The following POLE variants were observed in gnomAD, a reference collection of about 807,000 sequenced individuals.
POLE encodes DNA polymerase epsilon catalytic subunit A.
A neutral mutation model predicts 279.2 loss-of-function variants in POLE; 188 were observed. That is an observed-to-expected ratio of 0.67 (90% confidence interval 0.60 to 0.76). POLE has a LOEUF of 0.76. Among genes scored for constraint, POLE ranks in the 30% least tolerant of loss-of-function variants. The pLI is 0.00. For missense variants in POLE, 2,703 were observed against 3,016.7 expected (o/e 0.90, Z 2.44); for synonymous variants, 1,214 against 1,172.5 (o/e 1.04, Z -0.72).
At chr12:132,678,215 A>C (rs1043963192) in intron 6 of POLE, among the ~76,000 whole-genome samples, 9 of 150,518 alleles carry the variant, frequency 6.0e-5, no homozygotes. Flanking sequence ...AACTCTACAG[A>C]CAGGAGAAAA....
chr12:132,661,153 A>G lies in POLE; in HGVS notation c.2876T>C (p.Phe959Ser), dbSNP rs779946587. ...GKKLKKRYAV[F>S]NEDGSLAELK... is the part of the protein sequence containing the mutation. ...CTCAGCCAGAGAACCGTCTTCATTG[A>G]ACACAGCATACCTGAAAAAAAAAAA... Residue 959 changes from phenylalanine to serine, a missense_variant, in exon 25 of 49, where the codon TTC becomes TCC. Around this residue, in one of 5 missense-constraint regions of POLE, gnomAD observed 101 missense variants for 115.4 expected, o/e 0.87. Coordinates refer to ENST00000320574, the MANE Select transcript of POLE (RefSeq NM_006231.4). This position sits in a 1 kb window ranked among gnomAD's most constrained non-coding sequence, Gnocchi z 4.1. The G allele has an allele frequency of 6.2e-7, 1 of 1,607,526 alleles. No individual in the cohort carries two copies. Among genetic ancestry groups the G allele is most frequent in the South Asian group, 1.1e-5 (1 of 90,348 alleles).
rs769461767 is a variant in POLE at position 132,665,300 on chromosome 12, A to AC, written c.2468+1dup. The stretch of plus-strand genomic sequence containing the variant: ...GCCTCTCCCGGGCCCGGGCCCACCT[A>AC]CCCCTTGCGCATGACATAGCCATAG... On this transcript the variant is annotated splice_donor_variant, in intron 21 of 48. Transcript: ENST00000320574. LOFTEE classifies it high-confidence loss of function. 1 of 1,611,684 alleles carries AC rather than the reference A, an allele frequency of 6.2e-7. No homozygotes were observed.
At position 132,635,286 on chromosome 12, in the gene POLE, C is replaced by T. The variant is rs569233256; in HGVS notation, c.5811+606G>A. Among the ~76,000 whole-genome samples, 23 of 152,318 alleles carry T rather than the reference C, an allele frequency of 1.5e-4. No individual in the cohort carries two copies. In the South Asian group the frequency reaches 3.1e-3, roughly 21 times the overall value. ...CCGCACCTGGGCATTTACACACATC[C>T]GATCCGCTGGCCCCTTGGCTCCACT... On this transcript the variant is annotated intron_variant, in intron 42 of 48. Transcript: ENST00000320574.
chr12:132,662,869 T>A (rs1352152512), intron 23 of POLE, among the ~76,000 whole-genome samples: 1 of 152,074 alleles, frequency 6.6e-6, no homozygotes, highest in African/African-American at 2.4e-5. Flanking sequence ...TCCACTCTGA[T>A]CCGCAAATCC....
chr12:132,675,858 C>A lies in POLE; in HGVS notation c.1021-38G>T. The A allele has an allele frequency of 2.0e-6, 3 of 1,520,364 alleles. No individual in the cohort carries two copies. The highest frequency in any genetic ancestry group is 2.7e-6 in the Non-Finnish European group (3 of 1,094,816). 94.2% of individuals were successfully genotyped at this position (1,520,364 alleles called of 1,614,324 possible). Reference sequence around the variant, plus strand: ...CACAGCAGTCAGAGGTCTGCTCTTTCTCTTCTTCAAGCTATTCCAAATTCC... The same window carrying A: ...CACAGCAGTCAGAGGTCTGCTCTTTATCTTCTTCAAGCTATTCCAAATTCC... On this transcript the variant is annotated intron_variant, in intron 10 of 48. Coordinates refer to ENST00000320574, the MANE Select transcript of POLE (RefSeq NM_006231.4). The surrounding 1 kb of genome is among the most constrained non-coding windows in gnomAD (Gnocchi z 4.3).
chr12:132,679,259 C>T (rs2043117158), intron 6 of POLE, among the ~76,000 whole-genome samples: 1 of 152,120 alleles, frequency 6.6e-6, no homozygotes, highest in Non-Finnish European at 1.5e-5. Flanking sequence ...TACAACCACT[C>T]AATTTTAGAG....
chr12:132,627,002 G>A (rs2041853021), intron 45 of POLE, among the ~76,000 whole-genome samples: 1 of 152,226 alleles, frequency 6.6e-6, no homozygotes, highest in Non-Finnish European at 1.5e-5. Context: ...AAAGTTACGT[G>A]ATTTGTGGTG....
intron 32 of POLE, among the ~76,000 whole-genome samples, chr12:132,644,723 G>C (rs1266763303): frequency 1.3e-5 from 2 of 148,558 alleles, no homozygotes; most frequent in African/African-American, 5.0e-5. Flanking sequence ...CTAGCTTCGT[G>C]AATGGGGTCC....
intron 41 of POLE, among the ~76,000 whole-genome samples, chr12:132,636,440 GGAAAAAAAAAAAAAAA>G (rs1189089905): frequency 7.1e-5 from 5 of 70,364 alleles, no homozygotes; most frequent in Admixed American, 5.2e-4. Context: ...ATCCATTTAA[GGAAAAAAAAAAAAAAA>G]AAAAAAAAAA....
intron 14 of POLE, 150 bp from the exon 15 acceptor site, chr12:132,672,989 C>G (rs2042965549): frequency 2.4e-6 from 2 of 817,766 alleles, no homozygotes; most frequent in Non-Finnish European, 4.0e-6. Context: ...TGGTTTCTTC[C>G]TCACACCAGG....
intron 32 of POLE, among the ~76,000 whole-genome samples, chr12:132,646,096 A>G (rs2042277857): frequency 6.6e-6 from 1 of 152,214 alleles, no homozygotes; most frequent in African/African-American, 2.4e-5. Flanking sequence ...AGGGCATGTC[A>G]AAAGGACTCA....
intron 32 of POLE, among the ~76,000 whole-genome samples, chr12:132,645,790 ACACACACACC>A (rs1289754602): frequency 8.9e-6 from 1 of 112,532 alleles, no homozygotes; most frequent in Non-Finnish European, 1.7e-5. Context: ...AGACCGACAC[ACACACACACC>A]CACACACACA....
At chr12:132,645,946 G>T (rs2042274181) in intron 32 of POLE, among the ~76,000 whole-genome samples, 3 of 152,154 alleles carry the variant, frequency 2.0e-5, no homozygotes, top group Admixed American at 2.0e-4. Flanking sequence ...TACCCCTTGA[G>T]CTCTAAGCTT....
rs768498163 is a variant in POLE, at chr12:132,663,961, G to A, written c.2706+43C>T. 25 of 1,610,720 alleles carry A rather than the reference G, an allele frequency of 1.6e-5. No individual in the cohort carries two copies. In the East Asian group the frequency reaches 1.8e-4, roughly 11 times the overall value. ...GAGCCAGTGACATCAGGGCACTGAC[G>A]CCAGGCCAGCCAGAGCTTCAGGACC... is the stretch of plus-strand genomic sequence containing the variant. On this transcript the variant is annotated intron_variant, in intron 23 of 48. Transcript: ENST00000320574.
intron 1 of POLE, among the ~76,000 whole-genome samples, chr12:132,686,039 C>A (rs2043254817): frequency 6.6e-6 from 1 of 152,086 alleles, no homozygotes; most frequent in African/African-American, 2.4e-5. Flanking sequence ...CCACGCCCCG[C>A]TAATTTTGTA....
rs2138599784 is a variant in POLE, at chr12:132,649,050, C to T, written c.4028G>A (p.Gly1343Asp). The T allele has an allele frequency of 1.9e-6, 3 of 1,612,858 alleles. No homozygotes were observed. The highest frequency in any genetic ancestry group is 2.5e-6 in the Non-Finnish European group (3 of 1,179,798). ...IVQISETSQA[G>D]LFRLWALVGS... is the part of the protein sequence containing the mutation. ...AACGAGCGCCCACAGCCTGAACAGGCCGGCCTGGCTGGTCTCGCTGATCTG... is the reference window on the plus strand; with the variant it reads ...AACGAGCGCCCACAGCCTGAACAGGTCGGCCTGGCTGGTCTCGCTGATCTG... The change falls in exon 32 of 49, where the codon GGC (glycine) becomes GAC (aspartate). Residue 1343 changes from glycine (G) to aspartate (D), a missense_variant. Coordinates refer to ENST00000320574, the MANE Select transcript of POLE (RefSeq NM_006231.4).
chr12:132,662,489 GCAGA>G (rs1420177490), intron 23 of POLE, among the ~76,000 whole-genome samples: 1 of 152,220 alleles, frequency 6.6e-6, no homozygotes, highest in African/African-American at 2.4e-5. Context: ...ATGCATCCAT[GCAGA>G]CAGACAGACA....
rs113165213 is a variant in POLE at position 132,638,516 on chromosome 12, C to G, written c.5553-377G>C. On this transcript the variant is annotated intron_variant, in intron 40 of 48. Coordinates refer to ENST00000320574, the MANE Select transcript of POLE (RefSeq NM_006231.4). ...TAAGAATCCTAAGTTAAGACTGCAC[C>G]AAGAAGCACTTTTATCCCAGCAGTT... 387 of 169,148 alleles carry G rather than the reference C, an allele frequency of 2.3e-3. 1 individual carries two copies. Among genetic ancestry groups the G allele is most frequent in the African/African-American group, 8.5e-3 (353 of 41,752 alleles). 10.5% of individuals were successfully genotyped at this position (169,148 alleles called of 1,614,324 possible). A position where few individuals can be genotyped will look rare whatever the true frequency, so the allele number is the denominator to read the frequency against.
chr12:132,638,020 G>C lies in POLE; in HGVS notation c.5672C>G (p.Thr1891Ser), dbSNP rs780911169. 2.5e-6 allele frequency: 4 copies of C among 1,613,882 alleles called. No individual in the cohort carries two copies. The highest frequency in any genetic ancestry group is 2.5e-6 in the Non-Finnish European group (3 of 1,179,884). The change falls in exon 41 of 49, where the codon ACC becomes AGC. Residue 1891 changes from threonine (T) to serine (S), a missense_variant. By Grantham distance (58) the Thr-to-Ser change is moderately conservative. This residue lies in a region of POLE where 1,551 missense variants were observed against 1,686.1 expected (regional missense o/e 0.92). Coordinates refer to ENST00000320574, the MANE Select transcript of POLE (RefSeq NM_006231.4). Reference sequence around the variant, plus strand: ...CAGGACCAGCCAGCCGCACCTGCTGGTGATGTACTCCACGTAAGCGATGGC... The same window carrying C: ...CAGGACCAGCCAGCCGCACCTGCTGCTGATGTACTCCACGTAAGCGATGGC... Reference protein sequence around the residue: ...EDAIAYVEYITSSIHSKETFH... With the variant: ...EDAIAYVEYISSSIHSKETFH...
Sources: allele counts gnomAD v4.1 joint callset (sites outside exome capture counted in the v4.1 genomes callset), GRCh38; gene constraint gnomAD v4.1.1; regional missense constraint gnomAD v4.1.1; non-coding constraint Gnocchi (gnomAD v3.1); transcripts MANE v1.5; gene names NCBI Gene and HGNC (gene_info 2026-07-23, HGNC 2026-07-21).